Variants in FAM13C observed in about 807,000 individuals in gnomAD.
FAM13C encodes family with sequence similarity 13 member C.
FAM13C carries 37 observed loss-of-function variants against 73.2 expected under a neutral mutation model. The ratio of observed to expected loss-of-function variants is 0.51; its 90% CI spans 0.39 to 0.67. The LOEUF (loss-of-function observed/expected upper bound fraction) is 0.67, where lower values mean the gene tolerates loss of function less well. Ranked by LOEUF, FAM13C falls within the 30% of genes least tolerant of loss-of-function variation. The pLI is 0.00. For missense variants in FAM13C, 589 were observed against 715.6 expected, an observed-to-expected ratio of 0.82 and a Z score of 2.02; for synonymous variants, 246 against 260.9, an observed-to-expected ratio of 0.94 and a Z score of 0.55.
intron 4 of FAM13C, among the ~76,000 whole-genome samples, chr10:59,323,695 A>G (rs1050176910): frequency 2.0e-5 from 3 of 152,266 alleles, no homozygotes; most frequent in Admixed American, 6.5e-5. Context: ...AGAATAAAGA[A>G]TAAGAATAGA....
At chr10:59,294,683 T>A (rs949021023) in intron 5 of FAM13C, among the ~76,000 whole-genome samples, 15 of 152,216 alleles carry the variant, frequency 9.9e-5, no homozygotes, top group Admixed American at 9.8e-4. Flanking sequence ...ATGCAGTTCA[T>A]TCAGCTGGGA....
chr10:59,354,542 T>C (rs1041825329), intron 2 of FAM13C, among the ~76,000 whole-genome samples: 1 of 152,140 alleles, frequency 6.6e-6, no homozygotes, highest in Admixed American at 6.6e-5. Flanking sequence ...ACCTCTATGA[T>C]CCTCATTCAT....
chr10:59,293,140 C>T (rs1331492084), intron 5 of FAM13C, among the ~76,000 whole-genome samples: 5 of 126,574 alleles, frequency 4.0e-5, no homozygotes, highest in African/African-American at 1.5e-4. Flanking sequence ...GTGGTGCAAT[C>T]TCAGCTCAAT....
intron 5 of FAM13C, among the ~76,000 whole-genome samples, chr10:59,284,366 G>A (rs925393284): frequency 1.3e-5 from 2 of 152,026 alleles, no homozygotes. Context: ...TCCACGAGAA[G>A]GTTCTGCAGG....
Position 59,356,017 on chromosome 10 carries a change from G to T in FAM13C, c.63-74C>A, listed in dbSNP as rs902152821. 6 of 1,388,176 alleles carry T rather than the reference G, an allele frequency of 4.3e-6. No homozygotes were observed. In the African/African-American group the frequency reaches 5.7e-5, roughly 13 times the overall value. The allele number at this position is 1,388,176 out of a possible 1,614,324, so 86.0% of individuals were successfully genotyped here. On this transcript the variant is annotated intron_variant, in intron 1 of 13. Transcript: ENST00000618804. ...GCAGTAGTAGCAATAATCTAGAATTGTCTCAAGATTACCATGGAAAACTAA... is the reference window on the plus strand; with the variant it reads ...GCAGTAGTAGCAATAATCTAGAATTTTCTCAAGATTACCATGGAAAACTAA...
intron 1 of FAM13C, among the ~76,000 whole-genome samples, chr10:59,362,124 T>C (rs1856489283): frequency 1.3e-5 from 2 of 152,290 alleles, no homozygotes; most frequent in South Asian, 4.1e-4. Flanking sequence ...TTTTTAAAAA[T>C]CTGAGCTCCA....
chr10:59,251,765 A>G, intron 12 of FAM13C, 89 bp from the exon 13 acceptor site: 1 of 997,614 alleles, frequency 1.0e-6, no homozygotes, highest in Non-Finnish European at 1.5e-6. Flanking sequence ...CCAAAAAAGC[A>G]TCTATGATTG....
chr10:59,270,246 G>T, intron 6 of FAM13C, 137 bp from the exon 7 acceptor site: 10 of 817,756 alleles, frequency 1.2e-5, no homozygotes, highest in East Asian at 5.4e-5. Context: ...GATATGAAAA[G>T]CTTTCAAAAT....
At chr10:59,301,174 T>C (rs1847555711) in intron 5 of FAM13C, 1 of 152,248 alleles carries the variant, frequency 6.6e-6, no homozygotes, top group Non-Finnish European at 1.5e-5. Context: ...CCCAAGGTCT[T>C]TTCTGGTCTC....
chr10:59,259,419 G>A (rs1459943722), intron 10 of FAM13C, among the ~76,000 whole-genome samples: 1 of 152,062 alleles, frequency 6.6e-6, no homozygotes, highest in South Asian at 2.1e-4. Flanking sequence ...CTAATGAGAT[G>A]ATCTGAAATG....
At position 59,286,791 on chromosome 10, in the gene FAM13C, T is replaced by C. The variant is rs181800177; in HGVS notation, c.508-3344A>G. On this transcript the variant is annotated intron_variant, in intron 5 of 13. Transcript: ENST00000618804. ...GCTCATACCTGTAATCCCAGCACTTTGGGAGGTCAAGGCGGTGGATCACCT... is the reference window on the plus strand; with the variant it reads ...GCTCATACCTGTAATCCCAGCACTTCGGGAGGTCAAGGCGGTGGATCACCT... 9.1e-3 allele frequency among the ~76,000 whole-genome samples: 1,382 copies of C among 151,440 alleles called. 5 individuals carry two copies. Among genetic ancestry groups the C allele is most frequent in the Admixed American group, 0.02 (308 of 15,186 alleles).
chr10:59,252,156 A>T (rs1474662498), intron 12 of FAM13C, among the ~76,000 whole-genome samples: 2 of 152,194 alleles, frequency 1.3e-5, no homozygotes, highest in Non-Finnish European at 2.9e-5. Context: ...CGATAGTTAC[A>T]TTGCAAATTC....
intron 4 of FAM13C, among the ~76,000 whole-genome samples, chr10:59,308,298 C>A (rs943846785): frequency 6.6e-6 from 1 of 152,070 alleles, no homozygotes; most frequent in African/African-American, 2.4e-5. Context: ...ATATCTCCAA[C>A]CATCACCACC....
intron 2 of FAM13C, 29 bp from the exon 3 acceptor site, chr10:59,352,503 G>A: frequency 6.5e-7 from 1 of 1,549,366 alleles, no homozygotes; most frequent in Non-Finnish European, 8.7e-7. Context: ...AATTTAGAAA[G>A]TACCTTAAAA....
In FAM13C at chr10:59,246,944, A is replaced by G. The variant is rs992582068; in HGVS notation, c.*670T>C. On this transcript the variant is annotated 3_prime_UTR_variant, in exon 14 of 14. Coordinates refer to ENST00000618804, the MANE Select transcript of FAM13C (RefSeq NM_198215.4). ...CATCTGTCAGTTATAGACAAAGATA[A>G]TAATTCACAAAGTACATGCTATCAG... is the stretch of plus-strand genomic sequence containing the variant. The G allele has an allele frequency of 4.0e-6, 1 of 252,172 alleles. No homozygotes were observed. Among genetic ancestry groups the G allele is most frequent in the Non-Finnish European group, 7.4e-6 (1 of 134,728 alleles). The allele number at this position is 252,172 out of a possible 1,614,324, so 15.6% of individuals were successfully genotyped here. A position where few individuals can be genotyped will look rare whatever the true frequency, so the allele number is the denominator to read the frequency against.
intron 4 of FAM13C, among the ~76,000 whole-genome samples, chr10:59,307,612 G>A (rs1263156645): frequency 6.6e-6 from 1 of 152,130 alleles, no homozygotes; most frequent in African/African-American, 2.4e-5. Flanking sequence ...TGCAGGTGTT[G>A]GGAACAAAGC....
At chr10:59,268,092 C>CAAGGAAATA (rs1327368155) in intron 8 of FAM13C, among the ~76,000 whole-genome samples, 1 of 151,916 alleles carries the variant, frequency 6.6e-6, no homozygotes, top group African/African-American at 2.4e-5. Context: ...CATTCACCAA[C>CAAGGAAATA]AAGGAAATAC....
intron 11 of FAM13C, chr10:59,253,845 TA>T (rs1232947524): frequency 1.3e-5 from 2 of 152,734 alleles, no homozygotes; most frequent in Non-Finnish European, 2.9e-5. Flanking sequence ...CATTCTTTAT[TA>T]AAAGTAGCCT....
At chr10:59,260,855 T>C (rs917985003) in intron 10 of FAM13C, among the ~76,000 whole-genome samples, 1 of 152,172 alleles carries the variant, frequency 6.6e-6, no homozygotes, top group African/African-American at 2.4e-5. Context: ...CTTATTGTCA[T>C]GATAATTATA....
Sources: allele counts gnomAD v4.1 joint callset (sites outside exome capture counted in the v4.1 genomes callset), GRCh38; gene constraint gnomAD v4.1.1; transcripts MANE v1.5; gene names NCBI Gene and HGNC (gene_info 2026-07-23, HGNC 2026-07-21).